SCFD2: variants seen among roughly 807,000 people sequenced by gnomAD.
SCFD2 encodes the protein sec1 family domain-containing protein 2.
A neutral mutation model predicts 58.9 loss-of-function variants in SCFD2; 54 were observed. That is an observed-to-expected ratio of 0.92 (90% CI 0.74 to 1.15). The LOEUF (loss-of-function observed/expected upper bound fraction) is 1.15, where lower values mean the gene tolerates loss of function less well. Among genes scored for constraint, SCFD2 ranks in the 50% most tolerant of loss-of-function variants. The pLI is 0.00. For synonymous variants in SCFD2, 321 were observed against 335.9 expected (o/e 0.96, Z 0.49); for missense variants, 805 against 836.6 (o/e 0.96, Z 0.47).
intron 5 of SCFD2, among the ~76,000 whole-genome samples, chr4:53,140,412 T>TATATATATATATATATATATATAA (rs1560353891): frequency 1.4e-5 from 2 of 143,520 alleles, no homozygotes; most frequent in African/African-American, 5.1e-5. Flanking sequence ...TATATATATA[T>TATATATATATATATATATATATAA]AAATTTTAAT....
At chr4:52,894,120 T>C (rs1274059500) in intron 7 of SCFD2, among the ~76,000 whole-genome samples, 1 of 152,232 alleles carries the variant, frequency 6.6e-6, no homozygotes, top group Non-Finnish European at 1.5e-5. Context: ...GGGGGACTCA[T>C]ATCCACTCAA....
intron 4 of SCFD2, among the ~76,000 whole-genome samples, chr4:53,244,862 A>T (rs2149029290): frequency 6.6e-6 from 1 of 151,900 alleles, no homozygotes; most frequent in African/African-American, 2.4e-5. Context: ...ACCAATAGCT[A>T]GACTAATAAA....
chr4:52,998,200 C>A (rs1721786420), intron 5 of SCFD2, among the ~76,000 whole-genome samples: 1 of 152,194 alleles, frequency 6.6e-6, no homozygotes, highest in Non-Finnish European at 1.5e-5. Context: ...ACATGTAACA[C>A]TGAAGGGGTA....
intron 5 of SCFD2, among the ~76,000 whole-genome samples, chr4:52,972,695 C>A (rs1721137765): frequency 6.6e-6 from 1 of 152,184 alleles, no homozygotes; most frequent in South Asian, 2.1e-4. Context: ...ACTCTCCACC[C>A]CAAATCAACA....
chr4:53,007,385 A>AGAAG (rs1423993421), intron 5 of SCFD2, among the ~76,000 whole-genome samples: 6,160 of 79,834 alleles, frequency 0.077, 637 homozygotes, highest in East Asian at 0.3. Context: ...AAGGAAGGAA[A>AGAAG]GAAGGAAGGA....
At chr4:53,107,833 C>T (rs1388039837) in intron 5 of SCFD2, among the ~76,000 whole-genome samples, 3 of 152,192 alleles carry the variant, frequency 2.0e-5, no homozygotes, top group Non-Finnish European at 4.4e-5. Context: ...AGAAAATTAA[C>T]AAGAATATTC....
At chr4:53,054,780 A>ACTGG (rs1469150684) in intron 5 of SCFD2, among the ~76,000 whole-genome samples, 1 of 152,010 alleles carries the variant, frequency 6.6e-6, no homozygotes, top group African/African-American at 2.4e-5. Flanking sequence ...CAGCCTACCC[A>ACTGG]GTAGCTGGGA....
At chr4:53,224,359 A>T (rs1334983656) in intron 4 of SCFD2, among the ~76,000 whole-genome samples, 1 of 148,002 alleles carries the variant, frequency 6.8e-6, no homozygotes, top group Admixed American at 6.9e-5. Flanking sequence ...ACTGCACTCC[A>T]GCCTGGGCAA....
chr4:52,962,362 C>T (rs1043697781), intron 5 of SCFD2, among the ~76,000 whole-genome samples: 1 of 152,182 alleles, frequency 6.6e-6, no homozygotes, highest in Non-Finnish European at 1.5e-5. Context: ...GGCCTTCAAC[C>T]TGAACACATT....
chr4:53,254,853 T>G (rs1202764464), intron 4 of SCFD2, among the ~76,000 whole-genome samples: 2 of 147,126 alleles, frequency 1.4e-5, no homozygotes, highest in African/African-American at 5.0e-5. Flanking sequence ...TTATTTTATT[T>G]TATTTTATTT....
At chr4:52,910,236 A>C (rs1464185541) in intron 6 of SCFD2, among the ~76,000 whole-genome samples, 2 of 152,218 alleles carry the variant, frequency 1.3e-5, no homozygotes, top group South Asian at 2.1e-4. Flanking sequence ...TTAAAATGGA[A>C]GGATATGCTT....
intron 8 of SCFD2, among the ~76,000 whole-genome samples, chr4:52,881,652 C>T (rs1718613012): frequency 6.6e-6 from 1 of 152,132 alleles, no homozygotes; most frequent in Non-Finnish European, 1.5e-5. Flanking sequence ...AAAGAGCACC[C>T]ACACAGCAGT....
rs1723989674 is a variant in SCFD2, at chr4:53,076,793, C to T, written c.1561+68540G>A. Among the ~76,000 whole-genome samples, 3 of 152,302 alleles carry T rather than the reference C, an allele frequency of 2.0e-5. No homozygotes were observed. In the South Asian group the frequency reaches 6.2e-4, roughly 32 times the overall value. On this transcript the variant is annotated intron_variant, in intron 5 of 8. Coordinates refer to ENST00000401642, the MANE Select transcript of SCFD2 (RefSeq NM_152540.4). The stretch of plus-strand genomic sequence containing the variant: ...CAAAGTAGGCTGCCAGCCACACTTG[C>T]ATTTATCCAACACGGGCTGCTTCCC...
intron 3 of SCFD2, among the ~76,000 whole-genome samples, chr4:53,297,027 T>C (rs778691289): frequency 3.0e-4 from 45 of 152,314 alleles, no homozygotes; most frequent in African/African-American, 9.6e-4. Context: ...TTCTGTTCTA[T>C]TGCATTTTTT....
intron 4 of SCFD2, among the ~76,000 whole-genome samples, chr4:53,206,825 G>C (rs1043469975): frequency 6.6e-5 from 10 of 152,088 alleles, no homozygotes; most frequent in Non-Finnish European, 5.9e-5. Flanking sequence ...GATTTTTAAA[G>C]CTATATGCAT....
chr4:53,207,530 T>A (rs1339142689), intron 4 of SCFD2, among the ~76,000 whole-genome samples: 15 of 16,712 alleles, frequency 9.0e-4, no homozygotes, highest in Admixed American at 2.8e-3. Context: ...TATATAATAT[T>A]TATATATTAT....
chr4:53,029,687 T>A (rs1429907809), intron 5 of SCFD2, among the ~76,000 whole-genome samples: 14 of 152,216 alleles, frequency 9.2e-5, no homozygotes, highest in Non-Finnish European at 1.9e-4. Flanking sequence ...CACACATATA[T>A]GATCAACTGA....
intron 2 of SCFD2, among the ~76,000 whole-genome samples, chr4:53,339,163 A>T (rs570679832): frequency 6.6e-6 from 1 of 152,234 alleles, no homozygotes; most frequent in East Asian, 1.9e-4. Context: ...AACAAAACTT[A>T]TACTCAAATG....
At chr4:52,942,260 T>C (rs1367444767) in intron 5 of SCFD2, among the ~76,000 whole-genome samples, 2 of 152,198 alleles carry the variant, frequency 1.3e-5, no homozygotes, top group Non-Finnish European at 2.9e-5. Context: ...ATTAGCTTTT[T>C]AGTTTTTAGC....
Sources: allele counts gnomAD v4.1 joint callset (sites outside exome capture counted in the v4.1 genomes callset), GRCh38; gene constraint gnomAD v4.1.1; transcripts MANE v1.5; gene names NCBI Gene and HGNC (gene_info 2026-07-23, HGNC 2026-07-21).